The following INSC variants were observed in gnomAD, a reference collection of about 807,000 sequenced individuals.
INSC encodes INSC spindle orientation adaptor protein, also known as protein inscuteable homolog.
Under a neutral mutation model 58.6 loss-of-function variants are expected in INSC, and 67 were observed. The ratio of observed to expected loss-of-function variants is 1.14; its 90% confidence interval spans 0.94 to 1.40. The LOEUF (loss-of-function observed/expected upper bound fraction) is 1.40, where lower values mean the gene tolerates loss of function less well. Ranked by LOEUF, INSC falls within the 40% of genes most tolerant of loss-of-function variation. INSC has a pLI of 0.00. For synonymous variants in INSC, 262 were observed against 276.1 expected, an observed-to-expected ratio of 0.95 and a Z score of 0.51; for missense variants, 714 against 692.0, an observed-to-expected ratio of 1.03 and a Z score of -0.36.
intron 10 of INSC, among the ~76,000 whole-genome samples, 197 bp from the exon 11 acceptor site, chr11:15,238,722 G>T (rs565139650): frequency 6.6e-6 from 1 of 152,210 alleles, no homozygotes; most frequent in Admixed American, 6.5e-5. Flanking sequence ...CCCAAGTATA[G>T]TGACTTGGTA....
At chr11:15,218,558 C>A (rs561962609) in intron 7 of INSC, among the ~76,000 whole-genome samples, 306 of 152,112 alleles carry the variant, frequency 2.0e-3, no homozygotes, top group Middle Eastern at 0.01. Context: ...TTCTCTCTCT[C>A]TCTCTATATA....
At chr11:15,162,004 C>T (rs1411985719) in intron 2 of INSC, among the ~76,000 whole-genome samples, 1 of 152,182 alleles carries the variant, frequency 6.6e-6, no homozygotes, top group Non-Finnish European at 1.5e-5. Context: ...TTATAGTTCA[C>T]TGCATAGCAG....
intron 1 of INSC, among the ~76,000 whole-genome samples, chr11:15,141,827 C>A (rs1225526030): frequency 2.0e-5 from 3 of 152,098 alleles, no homozygotes; most frequent in Admixed American, 2.0e-4. Context: ...ACCTCTCCAC[C>A]CCTAGGGCTT....
At chr11:15,238,818 T>C in intron 10 of INSC, 101 bp from the exon 11 acceptor site, 2 of 1,257,124 alleles carry the variant, frequency 1.6e-6, no homozygotes, top group Non-Finnish European at 2.2e-6. Context: ...GAAGTCATCC[T>C]GACAGCCTTT....
intron 9 of INSC, among the ~76,000 whole-genome samples, chr11:15,231,342 G>T (rs1235950187): frequency 2.6e-5 from 4 of 152,184 alleles, no homozygotes; most frequent in African/African-American, 9.6e-5. Flanking sequence ...ACTGGAAGAA[G>T]AATTGTCTTG....
intron 9 of INSC, among the ~76,000 whole-genome samples, chr11:15,232,174 G>A (rs12276325): frequency 0.098 from 14,841 of 152,206 alleles, 1,589 homozygotes; most frequent in African/African-American, 0.26. Context: ...CTGATGGGAA[G>A]GGTTGACTTG....
intron 10 of INSC, among the ~76,000 whole-genome samples, chr11:15,238,579 A>T (rs987824151): frequency 6.6e-6 from 1 of 152,184 alleles, no homozygotes; most frequent in Non-Finnish European, 1.5e-5. Context: ...TGGAATTGTA[A>T]TGGTACCTAA....
At chr11:15,251,711 C>CTGGTGGGATGGTA (rs1321860487), downstream of INSC, among the ~76,000 whole-genome samples, 2 of 152,018 alleles carry the variant, frequency 1.3e-5, no homozygotes, top group Admixed American at 6.6e-5. Context: ...CCACTTCATT[C>CTGGTGGGATGGTA]TGGTGGGATG....
At chr11:15,120,272 G>A (rs1342789097) in intron 1 of INSC, among the ~76,000 whole-genome samples, 2 of 152,260 alleles carry the variant, frequency 1.3e-5, no homozygotes, top group South Asian at 4.1e-4. Context: ...TGTGCAAGGC[G>A]CTGGGGGTAG....
At chr11:15,149,070 G>C in intron 1 of INSC, 60 bp from the exon 2 acceptor site, 2 of 1,487,810 alleles carry the variant, frequency 1.3e-6, no homozygotes, top group Non-Finnish European at 1.8e-6. Flanking sequence ...GACTGGGAGA[G>C]AAAGTGATTG....
intron 1 of INSC, among the ~76,000 whole-genome samples, chr11:15,116,874 T>TTTCTTTCC (rs1847724949): frequency 4.2e-5 from 2 of 48,026 alleles, no homozygotes; most frequent in African/African-American, 2.2e-4. Context: ...TCTCTCTCTC[T>TTTCTTTCC]CTCCCCCTCC....
chr11:15,167,681 G>A lies in INSC; in HGVS notation c.57-8060G>A, dbSNP rs975573534. 3.3e-5 allele frequency among the ~76,000 whole-genome samples: 5 copies of A among 151,858 alleles called. No individual in the cohort carries two copies. In the South Asian group the frequency reaches 1.0e-3, roughly 32 times the overall value. ...TTATTATTGTAGAGATGGGGGTATCGCTATGTTGCTCAGGTTGGTCTCAAA... is the reference window on the plus strand; with the variant it reads ...TTATTATTGTAGAGATGGGGGTATCACTATGTTGCTCAGGTTGGTCTCAAA... On this transcript the variant is annotated intron_variant, in intron 2 of 12. Coordinates refer to ENST00000379556, the MANE Select transcript of INSC (RefSeq NM_001042536.3).
intron 1 of INSC, among the ~76,000 whole-genome samples, chr11:15,116,216 A>G (rs1847689309): frequency 1.3e-5 from 2 of 152,220 alleles, no homozygotes; most frequent in Admixed American, 1.3e-4. Flanking sequence ...GGGATCTGAC[A>G]TGGAGCTCAG....
At chr11:15,167,338 TA>T (rs1353650543) in intron 2 of INSC, among the ~76,000 whole-genome samples, 1 of 152,062 alleles carries the variant, frequency 6.6e-6, no homozygotes, top group Non-Finnish European at 1.5e-5. Flanking sequence ...TGAGTAGAGG[TA>T]GGCGGAGGCA....
rs147191476 is a variant in INSC, at chr11:15,162,825, C to T, written c.57-12916C>T. Among the ~76,000 whole-genome samples the T allele has an allele frequency of 1.9e-3, 291 of 152,188 alleles. 1 individual carries two copies. The highest frequency in any genetic ancestry group is 6.9e-3 in the African/African-American group (285 of 41,506). ...GCCTGGAAGTTTTTAGAATAAAGTT[C>T]TATGAGAGGGCAGTCCAGTAAGAGG... On this transcript the variant is annotated intron_variant, in intron 2 of 12. Transcript: ENST00000379556.
chr11:15,241,908 T>C (rs1852369374), intron 12 of INSC, among the ~76,000 whole-genome samples: 1 of 152,202 alleles, frequency 6.6e-6, no homozygotes, highest in Non-Finnish European at 1.5e-5. Context: ...TTGAAAATAT[T>C]TTCAACAACT....
chr11:15,143,852 T>A (rs1384850984), intron 1 of INSC, among the ~76,000 whole-genome samples: 2 of 152,180 alleles, frequency 1.3e-5, no homozygotes, highest in East Asian at 3.9e-4. Flanking sequence ...ATCCTGTGCA[T>A]TTTGCATAGA....
chr11:15,149,274 G>C (rs1157595435), intron 2 of INSC, 44 bp downstream of exon 2: 1 of 1,438,708 alleles, frequency 7.0e-7, no homozygotes, highest in South Asian at 1.6e-5. Context: ...TGCCCCATCT[G>C]AACCGTGACT....
chr11:15,257,285 G>C, the INSC span, among the ~76,000 whole-genome samples: 22 of 152,236 alleles, frequency 1.4e-4, no homozygotes, highest in South Asian at 4.1e-3. Flanking sequence ...GTATAGAGAA[G>C]AGATTGGTAG....
Sources: allele counts gnomAD v4.1 joint callset (sites outside exome capture counted in the v4.1 genomes callset), GRCh38; gene constraint gnomAD v4.1.1; transcripts MANE v1.5; gene names NCBI Gene and HGNC (gene_info 2026-07-23, HGNC 2026-07-21).